Variants in RAD51B observed in about 807,000 individuals in gnomAD.
The protein encoded by RAD51B is DNA repair protein RAD51 homolog 2.
RAD51B carries 38 observed loss-of-function variants against 42.2 expected under a neutral mutation model. The ratio of observed to expected loss-of-function variants is 0.90; its 90% CI spans 0.70 to 1.18. The LOEUF (loss-of-function observed/expected upper bound fraction) is 1.18. Ranked by LOEUF, RAD51B falls within the 50% of genes most tolerant of loss-of-function variation. The pLI, the probability that RAD51B is intolerant of heterozygous loss-of-function variation, is 0.00. For synonymous variants in RAD51B, 154 were observed against 145.2 expected (o/e 1.06, Z -0.43); for missense variants, 373 against 400.7 (o/e 0.93, Z 0.59).
At chr14:68,595,602 C>T (rs1890960407) in exon 11 of RAD51B, 1 of 1,065,822 alleles carries the variant, frequency 9.4e-7, no homozygotes, top group Non-Finnish European at 1.1e-6. Flanking sequence ...AGGGAGCAGC[C>T]TGAGTCAGTC....
chr14:67,958,726 G>T (rs1468209622), intron 7 of RAD51B, among the ~76,000 whole-genome samples: 1 of 152,170 alleles, frequency 6.6e-6, no homozygotes, highest in Admixed American at 6.5e-5. Context: ...TTTTAAGGAT[G>T]CCCTAGCTCT....
intron 8 of RAD51B, among the ~76,000 whole-genome samples, chr14:68,392,592 A>C (rs536052810): frequency 6.6e-6 from 1 of 152,220 alleles, no homozygotes; most frequent in Non-Finnish European, 1.5e-5. Flanking sequence ...TTTCAGGCTT[A>C]CAAGAGGAAT....
intron 10 of RAD51B, among the ~76,000 whole-genome samples, chr14:68,530,548 T>G (rs1248283592): frequency 2.0e-5 from 3 of 150,104 alleles, no homozygotes; most frequent in Non-Finnish European, 4.4e-5. Flanking sequence ...GCATTGATAA[T>G]AGACATCTTA....
In RAD51B at chr14:68,411,427, C is replaced by A; in HGVS notation, c.857C>A (p.Thr286Asn). The stretch of plus-strand genomic sequence containing the variant: ...TGCTTTTACCATTTCATTTCAGGCA[C>A]TTCTGGATCCAGCTGTGTGATAGCC... ...PADDLSLSEG[T>N]SGSSCVIAAL... The change falls in exon 9 of 11, where the codon ACT (threonine) becomes AAT (asparagine). Residue 286 changes from threonine (T) to asparagine (N), a missense_variant. Thr to Asn is a moderately conservative substitution (Grantham distance 65). Transcript: ENST00000471583. The A allele has an allele frequency of 1.2e-6, 2 of 1,613,990 alleles. No individual in the cohort carries two copies. Among genetic ancestry groups the A allele is most frequent in the South Asian group, 1.1e-5 (1 of 91,088 alleles).
chr14:68,184,527 G>A (rs2079116915), intron 7 of RAD51B, among the ~76,000 whole-genome samples: 1 of 150,206 alleles, frequency 6.7e-6, no homozygotes, highest in Non-Finnish European at 1.5e-5. Context: ...TTACAGGCGT[G>A]AGCCACTGTG....
chr14:68,074,204 A>G (rs2076797932), intron 7 of RAD51B, among the ~76,000 whole-genome samples: 1 of 152,176 alleles, frequency 6.6e-6, no homozygotes, highest in Non-Finnish European at 1.5e-5. Context: ...TCCATATTTC[A>G]CAGAGACTTT....
intron 7 of RAD51B, among the ~76,000 whole-genome samples, chr14:67,923,766 T>C (rs1246620550): frequency 6.6e-6 from 1 of 152,240 alleles, no homozygotes; most frequent in African/African-American, 2.4e-5. Flanking sequence ...CTGGATCAAA[T>C]GGTAGATCTA....
intron 7 of RAD51B, among the ~76,000 whole-genome samples, chr14:67,907,482 G>A (rs982373487): frequency 4.6e-5 from 7 of 152,050 alleles, no homozygotes; most frequent in African/African-American, 1.7e-4. Flanking sequence ...GCTCCATGAT[G>A]TCTGAGGCCT....
chr14:68,249,430 A>G (rs935226970), intron 7 of RAD51B, among the ~76,000 whole-genome samples: 1 of 152,206 alleles, frequency 6.6e-6, no homozygotes, highest in Non-Finnish European at 1.5e-5. Flanking sequence ...AAATCGATCA[A>G]ACAAAAAGGT....
intron 9 of RAD51B, among the ~76,000 whole-genome samples, chr14:68,425,193 A>G (rs544242680): frequency 1.4e-4 from 21 of 152,358 alleles, no homozygotes; most frequent in African/African-American, 3.8e-4. Flanking sequence ...ACCCACTGAG[A>G]TAAGTTGGAT....
chr14:68,477,344 G>A (rs1882724210), intron 10 of RAD51B, among the ~76,000 whole-genome samples: 1 of 152,162 alleles, frequency 6.6e-6, no homozygotes, highest in Non-Finnish European at 1.5e-5. Context: ...GGGAAACTTG[G>A]GGGTCATAGA....
At chr14:68,305,300 T>G (rs1267500382) in intron 8 of RAD51B, among the ~76,000 whole-genome samples, 3 of 152,242 alleles carry the variant, frequency 2.0e-5, no homozygotes, top group African/African-American at 7.2e-5. Context: ...TAATGTGAAA[T>G]GCTTGCTGAA....
intron 11 of RAD51B, among the ~76,000 whole-genome samples, chr14:68,675,214 T>A (rs542614750): frequency 6.6e-6 from 1 of 152,106 alleles, no homozygotes; most frequent in African/African-American, 2.4e-5. Context: ...GACTAGGGTG[T>A]CAGTAACAAA....
At chr14:68,543,054 A>G (rs924299975) in intron 10 of RAD51B, among the ~76,000 whole-genome samples, 5 of 152,248 alleles carry the variant, frequency 3.3e-5, no homozygotes, top group Admixed American at 2.6e-4. Context: ...AGCAGAGGTC[A>G]GCAACCTTTC....
At chr14:68,342,591 G>GTC (rs1317778773) in intron 8 of RAD51B, among the ~76,000 whole-genome samples, 2 of 151,884 alleles carry the variant, frequency 1.3e-5, no homozygotes, top group Non-Finnish European at 2.9e-5. Context: ...CTCTCTCTCT[G>GTC]TCTCTCTCTT....
downstream of RAD51B, among the ~76,000 whole-genome samples, chr14:68,613,266 C>T (rs1327245709): frequency 6.6e-6 from 1 of 151,640 alleles, no homozygotes; most frequent in Non-Finnish European, 1.5e-5. Flanking sequence ...TAATACAAAA[C>T]AATTAGCCAG....
intron 7 of RAD51B, among the ~76,000 whole-genome samples, chr14:68,168,796 C>G (rs78950141): frequency 0.016 from 2,393 of 152,202 alleles, 71 homozygotes; most frequent in African/African-American, 0.052. Flanking sequence ...AAATAAGACT[C>G]TCATATTGAT....
chr14:68,278,167 T>C (rs1166143555), intron 7 of RAD51B, among the ~76,000 whole-genome samples: 4 of 152,204 alleles, frequency 2.6e-5, no homozygotes, highest in Non-Finnish European at 4.4e-5. Context: ...AAGAAATTTA[T>C]CTAGAGAAAA....
chr14:68,463,052 A>G (rs1051470966), intron 9 of RAD51B, among the ~76,000 whole-genome samples: 3 of 152,160 alleles, frequency 2.0e-5, no homozygotes, highest in African/African-American at 4.8e-5. Context: ...GGCACCATGT[A>G]TTGAAGAAGA....
Sources: allele counts gnomAD v4.1 joint callset (sites outside exome capture counted in the v4.1 genomes callset), GRCh38; gene constraint gnomAD v4.1.1; transcripts MANE v1.5; gene names NCBI Gene and HGNC (gene_info 2026-07-23, HGNC 2026-07-21).